LINGO2: variants seen among roughly 807,000 people sequenced by gnomAD.
The protein encoded by LINGO2 is leucine rich repeat and Ig domain containing 2.
In LINGO2, 14 loss-of-function variants were observed where a neutral mutation model predicts 30.6. The observed-to-expected ratio is 0.46, with a 90% CI of 0.30 to 0.72. The LOEUF (loss-of-function observed/expected upper bound fraction) is 0.72, where lower values mean the gene tolerates loss of function less well. LINGO2 is among the 30% of genes least tolerant of loss of function. LINGO2 has a pLI of 0.07. For missense variants in LINGO2, 729 were observed against 751.7 expected, an observed-to-expected ratio of 0.97 and a Z score of 0.35; for synonymous variants, 317 against 288.5, an observed-to-expected ratio of 1.10 and a Z score of -1.00.
At chr9:29,083,709 A>G in the LINGO2 span, among the ~76,000 whole-genome samples, 1 of 152,082 alleles carries the variant, frequency 6.6e-6, no homozygotes, top group Non-Finnish European at 1.5e-5. Context: ...TAAAAAGTAA[A>G]AAATGCATTG....
chr9:28,035,520 TTTTGG>T (rs1823887375), intron 4 of LINGO2, among the ~76,000 whole-genome samples: 2 of 152,212 alleles, frequency 1.3e-5, no homozygotes, highest in Non-Finnish European at 2.9e-5. Context: ...ATAGTCGAAT[TTTTGG>T]TAAATGTAAC....
chr9:28,171,188 T>C (rs1828571344), intron 4 of LINGO2, among the ~76,000 whole-genome samples: 1 of 151,988 alleles, frequency 6.6e-6, no homozygotes. Context: ...CCACAATAAA[T>C]GAAAACCGAC....
the LINGO2 span, among the ~76,000 whole-genome samples, chr9:28,722,827 A>G: frequency 2.0e-5 from 3 of 152,080 alleles, no homozygotes; most frequent in South Asian, 2.1e-4. Context: ...CAGCCTTGTG[A>G]TAAGTCGTTC....
the LINGO2 span, among the ~76,000 whole-genome samples, chr9:28,992,948 A>C: frequency 2.0e-5 from 3 of 151,542 alleles, no homozygotes; most frequent in Admixed American, 6.6e-5. Flanking sequence ...CATCACAATT[A>C]AAAGAACTAG....
chr9:28,780,830 A>ATTTGTGTG, the LINGO2 span, among the ~76,000 whole-genome samples: 1 of 127,510 alleles, frequency 7.8e-6, no homozygotes, highest in East Asian at 2.7e-4. Context: ...CTTGGTAGTA[A>ATTTGTGTG]TGTGTGTGTG....
the LINGO2 span, among the ~76,000 whole-genome samples, chr9:28,997,672 A>G: frequency 6.6e-6 from 1 of 152,040 alleles, no homozygotes; most frequent in Middle Eastern, 3.4e-3. Context: ...AAATACAACA[A>G]ATTAGCTGGG....
chr9:29,018,345 A>G, the LINGO2 span, among the ~76,000 whole-genome samples: 1 of 151,760 alleles, frequency 6.6e-6, no homozygotes, highest in African/African-American at 2.4e-5. Flanking sequence ...AAAAACACCT[A>G]TTTGGTATTA....
intron 1 of LINGO2, among the ~76,000 whole-genome samples, chr9:28,543,821 G>A (rs1293454248): frequency 6.6e-6 from 1 of 151,950 alleles, no homozygotes; most frequent in African/African-American, 2.4e-5. Context: ...TGAAAGGAGG[G>A]GGTTAGAAGG....
chr9:28,447,194 T>C (rs188023872), intron 2 of LINGO2, among the ~76,000 whole-genome samples: 186 of 152,328 alleles, frequency 1.2e-3, no homozygotes, highest in Admixed American at 6.4e-3. Context: ...TTGCAACTGT[T>C]AGGTCTGGAC....
At chr9:28,774,325 C>A in the LINGO2 span, among the ~76,000 whole-genome samples, 1 of 152,098 alleles carries the variant, frequency 6.6e-6, no homozygotes. Context: ...AAAGAGGATT[C>A]CTCCTGGAAT....
At chr9:28,552,694 G>A (rs577986384) in intron 1 of LINGO2, among the ~76,000 whole-genome samples, 21 of 145,530 alleles carry the variant, frequency 1.4e-4, no homozygotes, top group Non-Finnish European at 2.3e-4. Flanking sequence ...TTCTCCTTCC[G>A]GGATTTCTAT....
chr9:28,977,253 G>T, the LINGO2 span, among the ~76,000 whole-genome samples: 1 of 151,994 alleles, frequency 6.6e-6, no homozygotes, highest in South Asian at 2.1e-4. Context: ...AGGGGCATTT[G>T]TCTATATTAT....
chr9:28,031,189 A>G (rs1456864898), intron 4 of LINGO2, among the ~76,000 whole-genome samples: 1 of 152,092 alleles, frequency 6.6e-6, no homozygotes, highest in Admixed American at 6.6e-5. Context: ...GGCCGAGACT[A>G]TATAAAGGAT....
At chr9:28,254,748 T>C (rs1451213972) in intron 4 of LINGO2, among the ~76,000 whole-genome samples, 1 of 152,094 alleles carries the variant, frequency 6.6e-6, no homozygotes, top group East Asian at 1.9e-4. Context: ...AAGCAACCAA[T>C]AGAAATACCA....
chr9:28,783,670 G>T, the LINGO2 span, among the ~76,000 whole-genome samples: 1 of 152,132 alleles, frequency 6.6e-6, no homozygotes, highest in Non-Finnish European at 1.5e-5. Context: ...AAAGATAAGT[G>T]GAATTTCACA....
At chr9:28,630,978 A>G (rs1391052309) in intron 1 of LINGO2, among the ~76,000 whole-genome samples, 1 of 151,912 alleles carries the variant, frequency 6.6e-6, no homozygotes. Flanking sequence ...CTGTAATTAG[A>G]AAAGATGTTA....
chr9:28,906,784 A>T, the LINGO2 span, among the ~76,000 whole-genome samples: 12 of 151,948 alleles, frequency 7.9e-5, no homozygotes, highest in African/African-American at 2.7e-4. Context: ...TAATTTCTCA[A>T]TCCTAAGGAA....
chr9:29,149,207 T>C, the LINGO2 span, among the ~76,000 whole-genome samples: 45 of 152,176 alleles, frequency 3.0e-4, no homozygotes, highest in Non-Finnish European at 5.7e-4. Flanking sequence ...TATTTTAATA[T>C]TTCTTAATTT....
At chr9:28,981,136 C>G in the LINGO2 span, among the ~76,000 whole-genome samples, 3 of 152,094 alleles carry the variant, frequency 2.0e-5, no homozygotes, top group Non-Finnish European at 4.4e-5. Context: ...TGGCTAGCTT[C>G]TTAATCAACA....
Sources: gnomAD v4.1 joint callset for allele counts (sites outside exome capture counted in the v4.1 genomes callset) on GRCh38, gnomAD v4.1.1 for gene constraint, MANE v1.5 for transcripts, NCBI Gene and HGNC (gene_info 2026-07-23, HGNC 2026-07-21) for gene names.